TENM2: variants seen among roughly 807,000 people sequenced by gnomAD.
The protein encoded by TENM2 is teneurin transmembrane protein 2.
In TENM2, 52 loss-of-function variants were observed where a neutral mutation model predicts 245.2. The ratio of observed to expected loss-of-function variants is 0.21; its 90% CI spans 0.17 to 0.27. The LOEUF (loss-of-function observed/expected upper bound fraction) is 0.27, where lower values mean the gene tolerates loss of function less well. Among genes scored for constraint, TENM2 ranks in the 10% least tolerant of loss-of-function variants. The pLI is 1.00. For synonymous variants in TENM2, 1,363 were observed against 1,438.9 expected (o/e 0.95, Z 1.19); for missense variants, 3,046 against 3,666.8 (o/e 0.83, Z 4.37).
intron 2 of TENM2, among the ~76,000 whole-genome samples, chr5:167,554,961 A>G (rs909756297): frequency 2.6e-5 from 4 of 152,124 alleles, no homozygotes; most frequent in African/African-American, 4.8e-5. Context: ...AAATCCTTAT[A>G]AATTAATTTT....
At chr5:168,197,685 G>A (rs1421746448) in intron 15 of TENM2, among the ~76,000 whole-genome samples, 1 of 142,824 alleles carries the variant, frequency 7.0e-6, no homozygotes, top group Non-Finnish European at 1.5e-5. Flanking sequence ...GGGCCCCAGA[G>A]CGAGACTCCA....
chr5:167,382,776 G>A (rs1185667203), intron 2 of TENM2, among the ~76,000 whole-genome samples: 1 of 152,080 alleles, frequency 6.6e-6, no homozygotes, highest in African/African-American at 2.4e-5. Flanking sequence ...CACTGGAGGA[G>A]TTTTGGGAAG....
chr5:167,999,393 A>G (rs1784271441), intron 5 of TENM2, among the ~76,000 whole-genome samples: 1 of 152,236 alleles, frequency 6.6e-6, no homozygotes, highest in Non-Finnish European at 1.5e-5. Flanking sequence ...CTTATCTAAT[A>G]GATATGCTAA....
chr5:167,592,702 A>G (rs930913003), intron 2 of TENM2, among the ~76,000 whole-genome samples: 5 of 152,160 alleles, frequency 3.3e-5, no homozygotes, highest in African/African-American at 9.7e-5. Context: ...GTATTGTGCT[A>G]TGAGCTTGAG....
chr5:167,816,450 C>A (rs1211246499), intron 2 of TENM2, among the ~76,000 whole-genome samples: 2 of 152,162 alleles, frequency 1.3e-5, no homozygotes, highest in South Asian at 4.1e-4. Context: ...TATACAGTTT[C>A]TGAATCTTCT....
intron 13 of TENM2, among the ~76,000 whole-genome samples, chr5:168,164,154 A>G (rs1056131081): frequency 1.3e-5 from 2 of 152,154 alleles, no homozygotes; most frequent in Admixed American, 1.3e-4. Context: ...TAACCTAACC[A>G]TTCATTCAGT....
chr5:167,079,725 T>C, the TENM2 span, among the ~76,000 whole-genome samples: 8 of 152,322 alleles, frequency 5.3e-5, no homozygotes, highest in Admixed American at 4.6e-4. Context: ...ATAAAGTTTA[T>C]CTTCGAACTT....
Position 167,352,367 on chromosome 5 carries a change from G to A in TENM2, c.227-22831G>A, listed in dbSNP as rs554648252. On this transcript the variant is annotated intron_variant, in intron 1 of 28. Transcript: ENST00000518659. ...AAAATGTGATCTAATGAAAAATTGCGTGACCTTGTTGAAATTTTTATCTTT... is the reference window on the plus strand; with the variant it reads ...AAAATGTGATCTAATGAAAAATTGCATGACCTTGTTGAAATTTTTATCTTT... 5.9e-5 allele frequency among the ~76,000 whole-genome samples: 9 copies of A among 152,200 alleles called. No homozygotes were observed. The South Asian group carries it at 6.2e-4, about 11-fold the overall frequency.
At chr5:167,238,315 A>T in the TENM2 span, among the ~76,000 whole-genome samples, 1 of 152,178 alleles carries the variant, frequency 6.6e-6, no homozygotes. Context: ...ACAGTAATGT[A>T]TCATACAATC....
rs969528486 is a variant in TENM2 at position 167,388,080 on chromosome 5, G to C, written c.502+12607G>C. On this transcript the variant is annotated intron_variant, in intron 2 of 28. Coordinates refer to ENST00000518659, the Ensembl canonical transcript of TENM2. ...CTCTTTCTGTATCTTGTGGAATAGT[G>C]TCAATAGGATTGGTGCCAATTCTTT... Among the ~76,000 whole-genome samples, 3 of 152,066 alleles carry C rather than the reference G, an allele frequency of 2.0e-5. No homozygotes were observed. In the East Asian group the frequency reaches 5.8e-4, roughly 29 times the overall value.
chr5:167,565,925 T>A (rs1003378416), intron 2 of TENM2, among the ~76,000 whole-genome samples: 1 of 152,192 alleles, frequency 6.6e-6, no homozygotes, highest in Non-Finnish European at 1.5e-5. Flanking sequence ...GACTAATCAC[T>A]GGAAAAGTGG....
At chr5:167,279,537 CCTT>C in the TENM2 span, among the ~76,000 whole-genome samples, 30 of 138,676 alleles carry the variant, frequency 2.2e-4, no homozygotes, top group African/African-American at 8.7e-4. Flanking sequence ...TTCCTTCCTT[CCTT>C]CCTTCCTTCC....
In TENM2 at chr5:168,195,551, CGTGTGTGTGTGTGTGT is replaced by C. The variant is rs35040257; in HGVS notation, c.2900+301_2900+316del. Among the ~76,000 whole-genome samples, 883 of 98,232 alleles carry C rather than the reference CGTGTGTGTGTGTGTGT, an allele frequency of 9.0e-3. 12 individuals are homozygous for C. The highest frequency in any genetic ancestry group is 0.047 in the South Asian group (107 of 2,274). 64.4% of individuals were successfully genotyped at this position (98,232 alleles called of 152,430 possible). A position where few individuals can be genotyped will look rare whatever the true frequency, so the allele number is the denominator to read the frequency against. ...GTTTTTTTAATGTCAGGTCAATGCA[CGTGTGTGTGTGTGTGT>C]GTGTGTGTGTGTGTGTGTGTGTGTG... On this transcript the variant is annotated intron_variant, in intron 15 of 28. Coordinates refer to ENST00000518659, the Ensembl canonical transcript of TENM2.
At chr5:167,145,050 A>G in the TENM2 span, among the ~76,000 whole-genome samples, 1 of 152,168 alleles carries the variant, frequency 6.6e-6, no homozygotes, top group Admixed American at 6.5e-5. Flanking sequence ...CTTTTGCCAC[A>G]TCACCTTCCA....
chr5:168,002,408 G>A (rs1174021254), intron 5 of TENM2, among the ~76,000 whole-genome samples: 1 of 152,200 alleles, frequency 6.6e-6, no homozygotes, highest in African/African-American at 2.4e-5. Flanking sequence ...TTAAAGTCAC[G>A]TTAATGAAGT....
At position 168,247,246 on chromosome 5, in the gene TENM2, A is replaced by G; in HGVS notation, c.6307A>G (p.Ile2103Val). The change falls in exon 27 of 29, where the codon ATC (isoleucine) becomes GTC (valine). Residue 2103 changes from isoleucine to valine, a missense_variant. Physicochemically the swap from Ile to Val is conservative, Grantham distance 29 (BLOSUM62 3). This residue lies in a region of TENM2 where 2,704 missense variants were observed against 3,331.9 expected (regional missense o/e 0.81). Transcript: ENST00000518659. The surrounding 1 kb of genome is among the most constrained non-coding windows in gnomAD (Gnocchi z 7.8). ...TGACAACAGCTTCCGCATCGCAAGC[A>G]TCAAGCCCGTCATAAGTGAGACTCC... 6.2e-7 allele frequency: 1 copy of G among 1,613,996 alleles called. No individual in the cohort carries two copies. The highest frequency in any genetic ancestry group is 1.1e-5 in the South Asian group (1 of 91,074).
chr5:168,057,362 A>G (rs1210324470), intron 6 of TENM2, among the ~76,000 whole-genome samples: 1 of 151,886 alleles, frequency 6.6e-6, no homozygotes, highest in Non-Finnish European at 1.5e-5. Context: ...TTCATAGCAT[A>G]TACCCAGCAA....
At chr5:167,271,630 G>A in the TENM2 span, among the ~76,000 whole-genome samples, 4 of 152,228 alleles carry the variant, frequency 2.6e-5, no homozygotes, top group Admixed American at 6.5e-5. Context: ...CTGCTAGTAC[G>A]TAAAAAATGT....
chr5:167,886,299 CAATTCCAGA>C (rs1774282787), intron 3 of TENM2, among the ~76,000 whole-genome samples: 1 of 152,110 alleles, frequency 6.6e-6, no homozygotes, highest in Admixed American at 6.5e-5. Context: ...TTTTAAAAGA[CAATTCCAGA>C]AAAAATATAT....
Sources: allele counts gnomAD v4.1 joint callset (sites outside exome capture counted in the v4.1 genomes callset), GRCh38; gene constraint gnomAD v4.1.1; regional missense constraint gnomAD v4.1.1; non-coding constraint Gnocchi (gnomAD v3.1); transcripts MANE v1.5; gene names NCBI Gene and HGNC (gene_info 2026-07-23, HGNC 2026-07-21).